DFFA: variants seen among roughly 807,000 people sequenced by gnomAD.
DFFA encodes DNA fragmentation factor subunit alpha, also known as DFF45.
In DFFA, 14 loss-of-function variants were observed where a neutral mutation model predicts 28.0. That is an observed-to-expected ratio of 0.50 (90% CI 0.33 to 0.78). The LOEUF is 0.78. DFFA is among the 30% of genes least tolerant of loss of function. DFFA has a pLI of 0.02. For missense variants in DFFA, 395 were observed against 407.1 expected (o/e 0.97, Z 0.26); for synonymous variants, 158 against 170.3 (o/e 0.93, Z 0.56).
At chr1:10,462,328 C>T (rs1179633713) in intron 5 of DFFA, 17 of 582,210 alleles carry the variant, frequency 2.9e-5, no homozygotes, top group Non-Finnish European at 3.5e-5. Context: ...GATGGGGTTT[C>T]GCCATGTTGG....
At chr1:10,463,304 G>T (rs1035139288) in intron 4 of DFFA, 95 bp from the exon 5 acceptor site, 6 of 1,554,536 alleles carry the variant, frequency 3.9e-6, no homozygotes, top group Non-Finnish European at 5.2e-6. Flanking sequence ...AGAGAGAAAC[G>T]TGCCCGTCCC....
At position 10,472,294 on chromosome 1, in the gene DFFA, C is replaced by G. The variant is rs201503304; in HGVS notation, c.136+29G>C. On this transcript the variant is annotated intron_variant, in intron 1 of 5. Transcript: ENST00000377038. The surrounding 1 kb of genome is among the most constrained non-coding windows in gnomAD (Gnocchi z 5.0). ...CGTCCTCACCCGGCCCTGGCTCCCC[C>G]ACACCCTCGCCCGGGGTCCCGAGCC... The G allele has an allele frequency of 2.4e-5, 37 of 1,558,402 alleles. No homozygotes were observed. Among genetic ancestry groups the G allele is most frequent in the Middle Eastern group, 1.8e-4 (1 of 5,670 alleles).
At chr1:10,469,732 G>C (rs550102674) in intron 1 of DFFA, among the ~76,000 whole-genome samples, 1 of 151,956 alleles carries the variant, frequency 6.6e-6, no homozygotes, top group Non-Finnish European at 1.5e-5. Context: ...TGTTGACCAG[G>C]CTGGTCTCGA....
intron 2 of DFFA, among the ~76,000 whole-genome samples, chr1:10,468,423 C>T (rs1641050798): frequency 6.6e-6 from 1 of 150,900 alleles, no homozygotes; most frequent in Admixed American, 6.7e-5. Context: ...TGCTACTAAA[C>T]GTCCTATCAT....
chr1:10,458,106 TC>T lies in DFFA; in HGVS notation c.*3383del, dbSNP rs1640883954. ...GTTTACTGTTCTGGGAAATCCCATT[TC>T]CAAGGGCAACGCTGCTGACGGTGTT... On this transcript the variant is annotated 3_prime_UTR_variant, in exon 6 of 6. Transcript: ENST00000377038. 6.6e-6 allele frequency: 1 copy of T among 152,182 alleles called. No homozygotes were observed. The highest frequency in any genetic ancestry group is 6.6e-5 in the Admixed American group (1 of 15,264). The allele number at this position is 152,182 out of a possible 1,614,324, so 9.4% of individuals were successfully genotyped here. A position where few individuals can be genotyped will look rare whatever the true frequency, so the allele number is the denominator to read the frequency against.
intron 2 of DFFA, 141 bp from the exon 3 acceptor site, chr1:10,467,473 G>T: frequency 1.1e-6 from 1 of 916,306 alleles, no homozygotes; most frequent in Non-Finnish European, 1.7e-6. Flanking sequence ...TTCACAGGAG[G>T]GTCAATATCC....
At chr1:10,470,623 C>T (rs1182166422) in intron 1 of DFFA, among the ~76,000 whole-genome samples, 2 of 150,136 alleles carry the variant, frequency 1.3e-5, no homozygotes, top group East Asian at 2.0e-4. Flanking sequence ...GACGGGGTTT[C>T]ACCGTGTTAG....
rs898176360 is a variant in DFFA, at chr1:10,461,243, T to C, written c.*247A>G. 1.6e-5 allele frequency: 8 copies of C among 508,442 alleles called. No homozygotes were observed. Among genetic ancestry groups the C allele is most frequent in the African/African-American group, 1.5e-4 (8 of 52,102 alleles). The allele number at this position is 508,442 out of a possible 1,614,324, so 31.5% of individuals were successfully genotyped here. ...AATTACTTTTGAACAGAGAACATCA[T>C]ATGTAATTAGAGGAGGCGGGATATT... On this transcript the variant is annotated 3_prime_UTR_variant, in exon 6 of 6. Coordinates refer to ENST00000377038, the MANE Select transcript of DFFA (RefSeq NM_004401.3).
intron 2 of DFFA, 29 bp from the exon 3 acceptor site, chr1:10,467,361 A>G (rs1234123579): frequency 1.2e-6 from 2 of 1,613,950 alleles, no homozygotes; most frequent in South Asian, 1.1e-5. Flanking sequence ...TGCCAGTCAC[A>G]GAACAACCTG....
In DFFA at chr1:10,468,741, A is replaced by ATT. The variant is rs112127951; in HGVS notation, c.298+434_298+435dup. 1.7e-3 allele frequency among the ~76,000 whole-genome samples: 235 copies of ATT among 137,906 alleles called. 1 individual carries two copies. Among genetic ancestry groups the ATT allele is most frequent in the African/African-American group, 5.6e-3 (212 of 37,734 alleles). 90.5% of individuals were successfully genotyped at this position (137,906 alleles called of 152,430 possible). A position where few individuals can be genotyped will look rare whatever the true frequency, so the allele number is the denominator to read the frequency against. On this transcript the variant is annotated intron_variant, in intron 2 of 5. Transcript: ENST00000377038. ...AACTGGGCCCATGTCTCATTCATCT[A>ATT]TTTTTTTTTTTTTTTGAGACAGAGT... is the stretch of plus-strand genomic sequence containing the variant.
Position 10,461,157 on chromosome 1 carries a change from C to A in DFFA, c.*333G>T, listed in dbSNP as rs372395272. 2.8e-5 allele frequency: 6 copies of A among 211,344 alleles called. No individual in the cohort carries two copies. Among genetic ancestry groups the A allele is most frequent in the South Asian group, 9.7e-5 (1 of 10,268 alleles). The allele number at this position is 211,344 out of a possible 1,614,324, so 13.1% of individuals were successfully genotyped here. A position where few individuals can be genotyped will look rare whatever the true frequency, so the allele number is the denominator to read the frequency against. ...GATCTCCTGACTTCACGATCCGCCC[C>A]CCTCGGCCTCCCAGTGCTGGGATTA... On this transcript the variant is annotated 3_prime_UTR_variant, in exon 6 of 6. Transcript: ENST00000377038.
In DFFA at chr1:10,469,195, A is replaced by G; in HGVS notation, c.280T>C (p.Trp94Arg). 1 of 1,614,192 alleles carries G rather than the reference A, an allele frequency of 6.2e-7. No individual in the cohort carries two copies. Among genetic ancestry groups the G allele is most frequent in the Non-Finnish European group, 8.5e-7 (1 of 1,180,026 alleles). The change falls in exon 2 of 6, where the codon TGG (tryptophan) becomes CGG (arginine). Residue 94 changes from tryptophan (W) to arginine (R), a missense_variant. Transcript: ENST00000377038. ...TTCTTACCTGAATTGTTGTATGCCC[A>G]TTTCTCATTACTAGCCAATGCCACA... ...KFVALASNEK[W>R]AYNNSDGGTA...
chr1:10,471,521 T>C (rs1641098437), intron 1 of DFFA, among the ~76,000 whole-genome samples: 1 of 152,180 alleles, frequency 6.6e-6, no homozygotes, highest in Non-Finnish European at 1.5e-5. Context: ...TTCATGGGTC[T>C]CTGAAAATTT....
rs988313891 is a variant in DFFA at position 10,462,735 on chromosome 1, C to G, written c.783+323G>C. The G allele has an allele frequency of 1.1e-5, 13 of 1,167,354 alleles. No individual in the cohort carries two copies. In the African/African-American group the frequency reaches 2.0e-4, roughly 18 times the overall value. 72.3% of individuals were successfully genotyped at this position (1,167,354 alleles called of 1,614,324 possible). ...ACAGACCTCAGGACGGACTATAGAT[C>G]TTCTCTGACCATGGAAAGACCCAGA... is the stretch of plus-strand genomic sequence containing the variant. On this transcript the variant is annotated intron_variant, in intron 5 of 5. Transcript: ENST00000377038.
Position 10,456,740 on chromosome 1 carries a change from CATG to C in DFFA, c.*4747_*4749del, listed in dbSNP as rs1192976763. The C allele has an allele frequency of 6.6e-5, 10 of 152,316 alleles. No homozygotes were observed. In the East Asian group the frequency reaches 1.9e-3, roughly 29 times the overall value. 9.4% of individuals were successfully genotyped at this position (152,316 alleles called of 1,614,324 possible). A position where few individuals can be genotyped will look rare whatever the true frequency, so the allele number is the denominator to read the frequency against. On this transcript the variant is annotated 3_prime_UTR_variant, in exon 6 of 6. Coordinates refer to ENST00000377038, the MANE Select transcript of DFFA (RefSeq NM_004401.3). ...TAGCTCCTGTCAAAGCCAGTTGCCTCATGAGGACCGACATTTGACTTAAGCTGA... is the reference window on the plus strand; with the variant it reads ...TAGCTCCTGTCAAAGCCAGTTGCCTCAGGACCGACATTTGACTTAAGCTGA...
At chr1:10,462,232 C>T (rs12065251) in intron 5 of DFFA, among the ~76,000 whole-genome samples, 32,904 of 152,082 alleles carry the variant, frequency 0.22, 3,672 homozygotes, top group African/African-American at 0.25. Flanking sequence ...TCTTAGCTCA[C>T]GCAACCTCCA....
intron 5 of DFFA, 40 bp downstream of exon 5, chr1:10,463,018 T>C (rs1640969599): frequency 6.2e-7 from 1 of 1,612,796 alleles, no homozygotes; most frequent in South Asian, 1.1e-5. Flanking sequence ...TCCCAGGGCA[T>C]GTCCTCCTCT....
At chr1:10,466,086 TG>T (rs1289528440) in intron 3 of DFFA, among the ~76,000 whole-genome samples, 2 of 152,016 alleles carry the variant, frequency 1.3e-5, no homozygotes, top group Admixed American at 1.3e-4. Context: ...AAGTCGAGGA[TG>T]CAGTGAGCTA....
chr1:10,463,698 T>C (rs1221283522), intron 3 of DFFA, 78 bp from the exon 4 acceptor site: 2 of 1,433,216 alleles, frequency 1.4e-6, no homozygotes, highest in Middle Eastern at 2.4e-4. Flanking sequence ...CGGAGTCTGC[T>C]CTGTTGCCCA....
Sources: allele counts gnomAD v4.1 joint callset (sites outside exome capture counted in the v4.1 genomes callset), GRCh38; gene constraint gnomAD v4.1.1; non-coding constraint Gnocchi (gnomAD v3.1); transcripts MANE v1.5; gene names NCBI Gene and HGNC (gene_info 2026-07-23, HGNC 2026-07-21).